Variants in BACH2 observed in about 807,000 individuals in gnomAD.
BACH2 encodes the protein transcription regulator protein BACH2.
In BACH2, 5 loss-of-function variants were observed where a neutral mutation model predicts 61.8. That is an observed-to-expected ratio of 0.08 (90% CI 0.04 to 0.17). The LOEUF (loss-of-function observed/expected upper bound fraction) is 0.17. BACH2 is among the 10% of genes least tolerant of loss of function. BACH2 has a pLI of 1.00. For missense variants in BACH2, 824 were observed against 1,091.1 expected (o/e 0.76, Z 3.45); for synonymous variants, 446 against 440.1 (o/e 1.01, Z -0.17).
chr6:90,142,080 CA>C (rs1352831066), intron 4 of BACH2, among the ~76,000 whole-genome samples: 15 of 151,994 alleles, frequency 9.9e-5, no homozygotes, highest in African/African-American at 2.7e-4. Flanking sequence ...GACTCTGTCT[CA>C]AAAAAAATTT....
intron 4 of BACH2, among the ~76,000 whole-genome samples, chr6:90,120,825 GCT>G (rs1470593075): frequency 1.3e-5 from 2 of 152,156 alleles, no homozygotes; most frequent in Non-Finnish European, 2.9e-5. Flanking sequence ...GAGCACATCA[GCT>G]CTCTCTGCAT....
intron 4 of BACH2, among the ~76,000 whole-genome samples, chr6:90,187,146 T>G (rs894012324): frequency 6.6e-6 from 1 of 152,192 alleles, no homozygotes; most frequent in Non-Finnish European, 1.5e-5. Flanking sequence ...AGTGTCTTAT[T>G]GAGAACACGG....
At chr6:90,144,996 CAG>C (rs536512086) in intron 4 of BACH2, among the ~76,000 whole-genome samples, 2 of 152,162 alleles carry the variant, frequency 1.3e-5, no homozygotes, top group Non-Finnish European at 2.9e-5. Context: ...ATATAGTTCC[CAG>C]AGATCGTGAC....
intron 2 of BACH2, among the ~76,000 whole-genome samples, chr6:90,262,015 A>G (rs942722074): frequency 2.6e-5 from 4 of 152,166 alleles, no homozygotes; most frequent in Non-Finnish European, 5.9e-5. Context: ...CTGCAAGAGA[A>G]TATTTCTAAA....
In BACH2 at chr6:89,951,185, G is replaced by A. The variant is rs779277240; in HGVS notation, c.921C>T (p.Val307=). ...EPDAKDRAGD[V]EMDRKQPSPA... is the part of the protein sequence containing the mutation. ...GGCTGGGCTGTTTCCGGTCCATCTC[G>A]ACATCCCCCGCTCTGTCCTTGGCGT... The change falls in exon 7 of 9, where the codon GTC becomes GTT. Residue 307 remains valine (V), a synonymous_variant. Transcript: ENST00000257749. The surrounding 1 kb of genome is among the most constrained non-coding windows in gnomAD (Gnocchi z 6.4). 7 of 1,613,600 alleles carry A rather than the reference G, an allele frequency of 4.3e-6. No individual in the cohort carries two copies. Among genetic ancestry groups the A allele is most frequent in the African/African-American group, 4.0e-5 (3 of 74,906 alleles).
At chr6:90,198,563 C>A (rs1433502818) in intron 4 of BACH2, among the ~76,000 whole-genome samples, 1 of 152,226 alleles carries the variant, frequency 6.6e-6, no homozygotes, top group Non-Finnish European at 1.5e-5. Flanking sequence ...CCTACCTCTT[C>A]AGACTCTCCT....
At chr6:90,146,763 A>T (rs1175158321) in intron 4 of BACH2, among the ~76,000 whole-genome samples, 1 of 152,228 alleles carries the variant, frequency 6.6e-6, no homozygotes, top group African/African-American at 2.4e-5. Context: ...AGATTTACTA[A>T]AAGATAGGAT....
In BACH2 at chr6:90,158,181, G is replaced by A. The variant is rs1222791404; in HGVS notation, c.-162+48388C>T. Among the ~76,000 whole-genome samples, 7 of 152,074 alleles carry A rather than the reference G, an allele frequency of 4.6e-5. No individual in the cohort carries two copies. In the East Asian group the frequency reaches 9.7e-4, roughly 21 times the overall value. On this transcript the variant is annotated intron_variant, in intron 4 of 8. Coordinates refer to ENST00000257749, the MANE Select transcript of BACH2 (RefSeq NM_021813.4). ...AGTGAGGGTGAGCTTGGAGTAAGAC[G>A]GAGCTAAAGAGGTAGGCAGGAGCCA...
rs992204031 is a variant in BACH2 at position 89,948,348 on chromosome 6, T to A, written c.1836+1922A>T. 2.0e-5 allele frequency among the ~76,000 whole-genome samples: 3 copies of A among 152,058 alleles called. No individual in the cohort carries two copies. The East Asian group carries it at 5.8e-4, about 29-fold the overall frequency. On this transcript the variant is annotated intron_variant, in intron 7 of 8. Coordinates refer to ENST00000257749, the MANE Select transcript of BACH2 (RefSeq NM_021813.4). ...CAGTCCCACAGGTAGCTGGGACTAC[T>A]GGCACGAGCCACCACGCCTGGCTAT...
rs79285683 is a variant in BACH2 at position 89,976,699 on chromosome 6, C to T, written c.244-24837G>A. ...ATCACTGTTTTAATTTTTAACCTAA[C>T]CTAGCAGGAAATCATGGGTTTAGCC... is the stretch of plus-strand genomic sequence containing the variant. On this transcript the variant is annotated intron_variant, in intron 6 of 8. Transcript: ENST00000257749. Among the ~76,000 whole-genome samples the T allele has an allele frequency of 6.3e-3, 959 of 152,276 alleles. 23 individuals carry two copies. Among genetic ancestry groups the T allele is most frequent in the East Asian group, 0.038 (196 of 5,192 alleles).
intron 4 of BACH2, among the ~76,000 whole-genome samples, chr6:90,182,225 T>TTC (rs150814141): frequency 9.2e-5 from 14 of 151,558 alleles, no homozygotes; most frequent in African/African-American, 1.7e-4. Context: ...AAAGACACTT[T>TTC]TCTCTCTCTC....
chr6:90,076,964 A>C (rs1407905909), intron 5 of BACH2, among the ~76,000 whole-genome samples: 5 of 152,182 alleles, frequency 3.3e-5, no homozygotes, highest in Non-Finnish European at 4.4e-5. Context: ...GCATTCTGTG[A>C]CTGAGTGCAT....
At chr6:90,092,291 A>AAAAAAAAAAAAAAATATATATAT in intron 4 of BACH2, among the ~76,000 whole-genome samples, 4 of 113,814 alleles carry the variant, frequency 3.5e-5, no homozygotes, top group African/African-American at 1.4e-4. Flanking sequence ...AAAAAAAAAA[A>AAAAAAAAAAAAAAATATATATAT]ATATATATAT....
intron 7 of BACH2, among the ~76,000 whole-genome samples, chr6:89,943,497 A>C (rs1773558468): frequency 6.6e-6 from 1 of 152,092 alleles, no homozygotes; most frequent in African/African-American, 2.4e-5. Context: ...AATATAAGAC[A>C]AAAGAAGGGA....
intron 4 of BACH2, among the ~76,000 whole-genome samples, chr6:90,194,120 TA>T (rs1383200010): frequency 1.3e-5 from 2 of 152,164 alleles, no homozygotes; most frequent in East Asian, 3.8e-4. Context: ...CCCAAGTATG[TA>T]AAATTTTACT....
At chr6:90,030,126 G>C (rs952190424) in intron 5 of BACH2, among the ~76,000 whole-genome samples, 2 of 152,156 alleles carry the variant, frequency 1.3e-5, no homozygotes, top group Non-Finnish European at 2.9e-5. Flanking sequence ...GTAAAAGCTT[G>C]TGTGCTCTTG....
intron 5 of BACH2, among the ~76,000 whole-genome samples, chr6:90,011,246 G>A (rs1419706664): frequency 6.6e-6 from 1 of 152,080 alleles, no homozygotes; most frequent in Non-Finnish European, 1.5e-5. Flanking sequence ...TATGGATTGA[G>A]GTTCTTTTTT....
chr6:90,251,352 G>A (rs957062811), intron 3 of BACH2, among the ~76,000 whole-genome samples: 6 of 152,122 alleles, frequency 3.9e-5, no homozygotes, highest in African/African-American at 1.2e-4. Context: ...CACGTTCAGG[G>A]TGGTGTGGCC....
intron 8 of BACH2, among the ~76,000 whole-genome samples, chr6:89,937,068 G>T (rs1056913723): frequency 2.0e-5 from 3 of 152,074 alleles, no homozygotes; most frequent in African/African-American, 7.2e-5. Flanking sequence ...TGCTTATCAA[G>T]GAGAAGGGGC....
Sources: gnomAD v4.1 joint callset for allele counts (sites outside exome capture counted in the v4.1 genomes callset) on GRCh38, gnomAD v4.1.1 for gene constraint, Gnocchi (gnomAD v3.1) non-coding constraint, MANE v1.5 for transcripts, NCBI Gene and HGNC (gene_info 2026-07-23, HGNC 2026-07-21) for gene names.